The following AXDND1 variants were observed in gnomAD, a reference collection of about 807,000 sequenced individuals.
AXDND1 encodes axonemal dynein light chain domain-containing protein 1.
In AXDND1, 110 loss-of-function variants were observed where a neutral mutation model predicts 137.5. The ratio of observed to expected loss-of-function variants is 0.80; its 90% CI spans 0.69 to 0.94. The LOEUF is 0.94. AXDND1 is among the 40% of genes least tolerant of loss of function. The pLI, the probability that AXDND1 is intolerant of heterozygous loss-of-function variation, is 0.00. For synonymous variants in AXDND1, 414 were observed against 399.7 expected, an observed-to-expected ratio of 1.04 and a Z score of -0.43; for missense variants, 1,191 against 1,169.8, an observed-to-expected ratio of 1.02 and a Z score of -0.26.
At chr1:179,485,720 G>A (rs1665956967) in intron 18 of AXDND1, among the ~76,000 whole-genome samples, 1 of 143,784 alleles carries the variant, frequency 7.0e-6, no homozygotes, top group South Asian at 2.4e-4. Context: ...TTCAGAATAT[G>A]TATAGGAACA....
chr1:179,461,469 C>T (rs12142603), intron 16 of AXDND1, among the ~76,000 whole-genome samples: 36,554 of 151,048 alleles, frequency 0.24, 4,724 homozygotes, highest in East Asian at 0.35. Context: ...TAGTATAGTT[C>T]GAAGTCAGGT....
In AXDND1 at chr1:179,485,254, C is replaced by T. The variant is rs150093324; in HGVS notation, c.2091+2033C>T. 8.5e-5 allele frequency among the ~76,000 whole-genome samples: 13 copies of T among 152,318 alleles called. No individual in the cohort carries two copies. In the East Asian group the frequency reaches 2.5e-3, roughly 29 times the overall value. On this transcript the variant is annotated intron_variant, in intron 18 of 25. Transcript: ENST00000367618. ...ACAAGCACGGATCCCACTGTCACCACCTAATGAATTGCTTTGGCTGGCATC... is the reference window on the plus strand; with the variant it reads ...ACAAGCACGGATCCCACTGTCACCATCTAATGAATTGCTTTGGCTGGCATC...
chr1:179,465,536 G>A (rs973361671), intron 16 of AXDND1, among the ~76,000 whole-genome samples: 1 of 152,224 alleles, frequency 6.6e-6, no homozygotes, highest in Non-Finnish European at 1.5e-5. Context: ...GCCCCTACTG[G>A]GAGGTGTCTC....
intron 25 of AXDND1, among the ~76,000 whole-genome samples, chr1:179,547,862 C>T (rs1352823335): frequency 2.6e-5 from 4 of 152,104 alleles, no homozygotes; most frequent in Non-Finnish European, 5.9e-5. Flanking sequence ...ACTGGTAATT[C>T]AGCTCTCATT....
chr1:179,475,442 A>T (rs181332478), intron 17 of AXDND1, among the ~76,000 whole-genome samples: 2 of 152,348 alleles, frequency 1.3e-5, no homozygotes, highest in African/African-American at 4.8e-5. Context: ...CATTAGCATG[A>T]CCTGGATGTG....
Position 179,533,629 on chromosome 1 carries a change from T to C in AXDND1, c.2716-166T>C, listed in dbSNP as rs1259859576. Among the ~76,000 whole-genome samples, 4 of 42,740 alleles carry C rather than the reference T, an allele frequency of 9.4e-5. No individual in the cohort carries two copies. The Admixed American group carries it at 1.6e-3, about 17-fold the overall frequency. 28.0% of individuals were successfully genotyped at this position (42,740 alleles called of 152,430 possible). ...GCTATTTGACCAGAGACAATCCCTT[T>C]TTTTTTTTTTTTTTTGGTATTAAGG... is the stretch of plus-strand genomic sequence containing the variant. On this transcript the variant is annotated intron_variant, in intron 23 of 25. Transcript: ENST00000367618.
rs755742155 is a variant in AXDND1 at position 179,528,451 on chromosome 1, C to A, written c.2715+20C>A. 15 of 1,528,172 alleles carry A rather than the reference C, an allele frequency of 9.8e-6. No individual in the cohort carries two copies. In the South Asian group the frequency reaches 1.7e-4, roughly 17 times the overall value. The allele number at this position is 1,528,172 out of a possible 1,614,324, so 94.7% of individuals were successfully genotyped here. On this transcript the variant is annotated intron_variant, in intron 23 of 25. Coordinates refer to ENST00000367618, the MANE Select transcript of AXDND1 (RefSeq NM_144696.6). ...TCCTGGGTATGTATCTGAAACCCAG[C>A]TAGGGAATTCAACACTATTTAACAT...
At chr1:179,380,657 C>T (rs1648109464) in intron 6 of AXDND1, among the ~76,000 whole-genome samples, 1 of 152,106 alleles carries the variant, frequency 6.6e-6, no homozygotes. Context: ...ATAAAATATC[C>T]AGAGGCTGTC....
upstream of AXDND1, chr1:179,365,849 A>G (rs10753193): frequency 0.88 from 133,632 of 152,306 alleles, 58,703 homozygotes; most frequent in East Asian, 0.91. Context: ...AAGAAACTCC[A>G]AGAGGGTGTA....
At chr1:179,553,276 G>T (rs1295421132) in intron 25 of AXDND1, among the ~76,000 whole-genome samples, 1 of 152,178 alleles carries the variant, frequency 6.6e-6, no homozygotes, top group Non-Finnish European at 1.5e-5. Context: ...CAAGATAATT[G>T]AAAACGTGTT....
chr1:179,402,159 C>T (rs575506476), intron 11 of AXDND1, among the ~76,000 whole-genome samples: 11 of 107,890 alleles, frequency 1.0e-4, no homozygotes, highest in South Asian at 6.3e-4. Flanking sequence ...AGCGAGACTC[C>T]GTCTCAAAAA....
At chr1:179,498,515 A>G (rs1239343961) in intron 20 of AXDND1, among the ~76,000 whole-genome samples, 2 of 152,164 alleles carry the variant, frequency 1.3e-5, no homozygotes, top group African/African-American at 4.8e-5. Flanking sequence ...TCTTCTTGAC[A>G]TTGACCTTGG....
intron 16 of AXDND1, chr1:179,449,268 T>C: frequency 3.0e-6 from 1 of 336,786 alleles, no homozygotes; most frequent in South Asian, 2.2e-5. Context: ...CCTAGCACCA[T>C]TTATTGAAAA....
At chr1:179,441,084 T>C (rs1349005655) in intron 15 of AXDND1, among the ~76,000 whole-genome samples, 1 of 152,176 alleles carries the variant, frequency 6.6e-6, no homozygotes, top group East Asian at 1.9e-4. Flanking sequence ...GAAACGGGGT[T>C]GAGGTCTGGA....
chr1:179,373,901 C>G (rs1432159541), intron 4 of AXDND1, among the ~76,000 whole-genome samples: 1 of 152,174 alleles, frequency 6.6e-6, no homozygotes, highest in Non-Finnish European at 1.5e-5. Context: ...CAATACCATT[C>G]AGGGCATAGG....
intron 11 of AXDND1, among the ~76,000 whole-genome samples, chr1:179,406,931 C>T (rs1653060577): frequency 6.6e-6 from 1 of 152,002 alleles, no homozygotes; most frequent in African/African-American, 2.4e-5. Flanking sequence ...ATAGCTTTTT[C>T]TCCTTTCCTC....
At chr1:179,488,916 G>C (rs1043674802) in intron 18 of AXDND1, among the ~76,000 whole-genome samples, 1 of 144,560 alleles carries the variant, frequency 6.9e-6, no homozygotes, top group Non-Finnish European at 1.5e-5. Context: ...TGTATTTTTA[G>C]TAGAGACCAG....
At chr1:179,502,821 C>A (rs1403568434) in intron 20 of AXDND1, among the ~76,000 whole-genome samples, 2 of 150,860 alleles carry the variant, frequency 1.3e-5, no homozygotes, top group South Asian at 4.2e-4. Context: ...TCTGGCCAGG[C>A]GTGGTGGCTC....
chr1:179,461,119 T>A (rs1257656091), intron 16 of AXDND1, among the ~76,000 whole-genome samples: 2 of 152,132 alleles, frequency 1.3e-5, no homozygotes, highest in Admixed American at 6.5e-5. Context: ...GTCATGAAGT[T>A]CTTGCCCATG....
Sources: allele counts gnomAD v4.1 joint callset (sites outside exome capture counted in the v4.1 genomes callset), GRCh38; gene constraint gnomAD v4.1.1; transcripts MANE v1.5; gene names NCBI Gene and HGNC (gene_info 2026-07-23, HGNC 2026-07-21).